The following PVR variants were observed in gnomAD, a reference collection of about 807,000 sequenced individuals.
The protein encoded by PVR is PVR cell adhesion molecule.
A neutral mutation model predicts 43.3 loss-of-function variants in PVR; 39 were observed. The observed-to-expected ratio is 0.90, with a 90% CI of 0.70 to 1.18. The LOEUF is 1.18. Ranked by LOEUF, PVR falls within the 50% of genes most tolerant of loss-of-function variation. The pLI is 0.00. For synonymous variants in PVR, 224 were observed against 233.2 expected, an observed-to-expected ratio of 0.96 and a Z score of 0.36; for missense variants, 480 against 549.7, an observed-to-expected ratio of 0.87 and a Z score of 1.27.
chr19:44,649,787 T>G, intron 2 of PVR, 22 bp from the exon 3 acceptor site: 1 of 1,611,160 alleles, frequency 6.2e-7, no homozygotes. Flanking sequence ...GAATGACTTG[T>G]TGCTTTTGTT....
chr19:44,656,836 G>T (rs1240085305), intron 4 of PVR, among the ~76,000 whole-genome samples: 1 of 152,130 alleles, frequency 6.6e-6, no homozygotes, highest in Non-Finnish European at 1.5e-5. Context: ...GGCCGGGTGT[G>T]GTGGCATGCA....
chr19:44,655,142 GGC>G (rs1973405852), intron 4 of PVR, among the ~76,000 whole-genome samples: 2 of 152,048 alleles, frequency 1.3e-5, no homozygotes, highest in Non-Finnish European at 2.9e-5. Flanking sequence ...GGAGTGCAGT[GGC>G]GTGATCATAG....
At position 44,647,309 on chromosome 19, in the gene PVR, A is replaced by G. The variant is rs766912824; in HGVS notation, c.166A>G (p.Met56Val). ...GCCCTGCTACCTACAGGTGCCCAACATGGAGGTGACGCATGTGTCACAGCT... is the reference window on the plus strand; with the variant it reads ...GCCCTGCTACCTACAGGTGCCCAACGTGGAGGTGACGCATGTGTCACAGCT... Reference protein sequence around the residue: ...TLPCYLQVPNMEVTHVSQLTW... With the variant: ...TLPCYLQVPNVEVTHVSQLTW... The change falls in exon 2 of 8, where the codon ATG becomes GTG. Residue 56 changes from methionine (M) to valine (V), a missense_variant. Transcript: ENST00000425690. 20 of 1,605,928 alleles carry G rather than the reference A, an allele frequency of 1.2e-5. No homozygotes were observed. Among genetic ancestry groups the G allele is most frequent in the Admixed American group, 8.5e-5 (5 of 58,766 alleles).
Position 44,664,525 on chromosome 19 carries a change from T to G in PVR, c.*2714T>G, listed in dbSNP as rs1973663241. Reference sequence around the variant, plus strand: ...ACCGCGCCCACCCTGAACCTTACTTTTTTTGCTCAGTTTCTGGTAATTCAG... The same window carrying G: ...ACCGCGCCCACCCTGAACCTTACTTGTTTTGCTCAGTTTCTGGTAATTCAG... On this transcript the variant is annotated 3_prime_UTR_variant, in exon 8 of 8. Coordinates refer to ENST00000425690, the MANE Select transcript of PVR (RefSeq NM_006505.5). 1 of 151,898 alleles carries G rather than the reference T, an allele frequency of 6.6e-6. No individual in the cohort carries two copies. Among genetic ancestry groups the G allele is most frequent in the Non-Finnish European group, 1.5e-5 (1 of 68,010 alleles). The allele number at this position is 151,898 out of a possible 1,614,324, so 9.4% of individuals were successfully genotyped here.
At chr19:44,656,772 C>T (rs980616918) in intron 4 of PVR, among the ~76,000 whole-genome samples, 1 of 152,094 alleles carries the variant, frequency 6.6e-6, no homozygotes, top group African/African-American at 2.4e-5. Context: ...GAGTTCAAGA[C>T]CAGCCTGGCC....
In PVR at chr19:44,647,077, T is replaced by TC; in HGVS notation, c.80-141dup. The TC allele has an allele frequency of 1.0e-4, 31 of 311,368 alleles. 1 individual carries two copies. The highest frequency in any genetic ancestry group is 4.7e-4 in the South Asian group (8 of 17,038). 19.3% of individuals were successfully genotyped at this position (311,368 alleles called of 1,614,324 possible). ...CCATGGCCCCAACTAGTGCCCCAGT[T>TC]CCCCCTCCCCCCACACCCCACGGTC... On this transcript the variant is annotated intron_variant, in intron 1 of 7. Coordinates refer to ENST00000425690, the MANE Select transcript of PVR (RefSeq NM_006505.5).
intron 5 of PVR, among the ~76,000 whole-genome samples, 158 bp downstream of exon 5, chr19:44,658,068 C>T (rs1326378816): frequency 6.6e-6 from 1 of 152,202 alleles, no homozygotes; most frequent in East Asian, 1.9e-4. Flanking sequence ...ATACCTATAT[C>T]ACTGGTACCG....
At chr19:44,647,076 T>TTCCCCCCCCCCCCCCCCCCCCCCG in intron 1 of PVR, 147 bp from the exon 2 acceptor site, 1 of 107,484 alleles carries the variant, frequency 9.3e-6, no homozygotes. Flanking sequence ...AGTGCCCCAG[T>TTCCCCCCCCCCCCCCCCCCCCCCG]TCCCCCTCCC....
intron 1 of PVR, among the ~76,000 whole-genome samples, chr19:44,645,660 T>G (rs1298578938): frequency 6.6e-6 from 1 of 151,478 alleles, no homozygotes; most frequent in Non-Finnish European, 1.5e-5. Flanking sequence ...GGTTTCGCTA[T>G]GCTGCCCAGG....
At chr19:44,647,670 T>C in intron 2 of PVR, 100 bp downstream of exon 2, 480 of 430,536 alleles carry the variant, frequency 1.1e-3, no homozygotes, top group Non-Finnish European at 1.8e-3. Flanking sequence ...GGGAGGGAGA[T>C]TCCCTCCACA....
At chr19:44,645,444 T>G (rs1973087925) in intron 1 of PVR, among the ~76,000 whole-genome samples, 1 of 102,804 alleles carries the variant, frequency 9.7e-6, no homozygotes, top group East Asian at 2.9e-4. Flanking sequence ...TATATATATA[T>G]AGTGCGTGTG....
intron 2 of PVR, among the ~76,000 whole-genome samples, chr19:44,648,286 CT>C (rs1973186533): frequency 6.6e-6 from 1 of 152,120 alleles, no homozygotes; most frequent in African/African-American, 2.4e-5. Context: ...GTTACTGTTA[CT>C]TTATCTGGTG....
intron 6 of PVR, among the ~76,000 whole-genome samples, chr19:44,660,184 G>A (rs737100): frequency 0.044 from 6,767 of 152,128 alleles, 541 homozygotes; most frequent in African/African-American, 0.15. Context: ...CCCCAGGACC[G>A]CCTACCACTG....
intron 4 of PVR, among the ~76,000 whole-genome samples, chr19:44,655,511 A>G (rs1973418534): frequency 6.6e-6 from 1 of 152,210 alleles, no homozygotes; most frequent in South Asian, 2.1e-4. Flanking sequence ...CACCTCCAGA[A>G]ATACCCAGTG....
chr19:44,659,522 G>A (rs902612004), intron 6 of PVR, among the ~76,000 whole-genome samples: 2 of 151,790 alleles, frequency 1.3e-5, no homozygotes, highest in Non-Finnish European at 2.9e-5. Flanking sequence ...TCTCACTGTC[G>A]CCCAGGCTGG....
In PVR at chr19:44,664,688, T is replaced by G. The variant is rs1973666996; in HGVS notation, c.*2877T>G. On this transcript the variant is annotated 3_prime_UTR_variant, in exon 8 of 8. Transcript: ENST00000425690. ...CTATTACAATGTTGTAGTGAATAAC[T>G]TTACACACTGTCATTTATTTTACTT... is the stretch of plus-strand genomic sequence containing the variant. 1 of 151,868 alleles carries G rather than the reference T, an allele frequency of 6.6e-6. No homozygotes were observed. The highest frequency in any genetic ancestry group is 2.1e-4 in the South Asian group (1 of 4,820). The allele number at this position is 151,868 out of a possible 1,614,324, so 9.4% of individuals were successfully genotyped here.
At position 44,647,589 on chromosome 19, in the gene PVR, G is replaced by A; in HGVS notation, c.427+19G>A. 6.3e-7 allele frequency: 1 copy of A among 1,587,234 alleles called. No individual in the cohort carries two copies. ...GTGCTTGGTGAGCAGGGGGTTTTGG[G>A]GAGGCTGAATGAAAGGCAGAGACTT... On this transcript the variant is annotated intron_variant, in intron 2 of 7. Transcript: ENST00000425690.
chr19:44,644,235 C>T, intron 1 of PVR, 60 bp downstream of exon 1: 1 of 1,331,446 alleles, frequency 7.5e-7, no homozygotes, highest in Non-Finnish European at 9.9e-7. Context: ...GCATCCAGGC[C>T]GGGTACTCGC....
chr19:44,649,074 T>C (rs1973207483), intron 2 of PVR, among the ~76,000 whole-genome samples: 1 of 152,092 alleles, frequency 6.6e-6, no homozygotes, highest in African/African-American at 2.4e-5. Context: ...AGGCTTCCTC[T>C]CCTCCACTGA....
Sources: gnomAD v4.1 joint callset for allele counts (sites outside exome capture counted in the v4.1 genomes callset) on GRCh38, gnomAD v4.1.1 for gene constraint, MANE v1.5 for transcripts, NCBI Gene and HGNC (gene_info 2026-07-23, HGNC 2026-07-21) for gene names.